NKAIN2: variants seen among roughly 807,000 people sequenced by gnomAD.
NKAIN2 encodes the protein sodium/potassium-transporting ATPase subunit beta-1-interacting protein 2.
A neutral mutation model predicts 32.6 loss-of-function variants in NKAIN2; 14 were observed. The observed-to-expected ratio is 0.43, with a 90% CI of 0.28 to 0.67. The LOEUF (loss-of-function observed/expected upper bound fraction) is 0.67, where lower values mean the gene tolerates loss of function less well. Ranked by LOEUF, NKAIN2 falls within the 30% of genes least tolerant of loss-of-function variation. The pLI is 0.17. For missense variants in NKAIN2, 198 were observed against 258.3 expected (o/e 0.77, Z 1.60); for synonymous variants, 80 against 87.2 (o/e 0.92, Z 0.46).
intron 1 of NKAIN2, among the ~76,000 whole-genome samples, chr6:124,166,770 A>G (rs1205872026): frequency 8.7e-4 from 131 of 150,750 alleles, no homozygotes; most frequent in African/African-American, 3.1e-3. Context: ...TTTATTAAAT[A>G]GGGAATCCTT....
At chr6:124,575,333 G>T (rs1381153853) in intron 3 of NKAIN2, among the ~76,000 whole-genome samples, 1 of 152,082 alleles carries the variant, frequency 6.6e-6, no homozygotes, top group East Asian at 1.9e-4. Context: ...TCATACTTTG[G>T]ATAAAATAAT....
At chr6:124,072,418 T>C (rs1209516607) in intron 1 of NKAIN2, among the ~76,000 whole-genome samples, 1 of 152,094 alleles carries the variant, frequency 6.6e-6, no homozygotes, top group African/African-American at 2.4e-5. Context: ...TCACACAACA[T>C]ACCTGTGTAA....
intron 1 of NKAIN2, among the ~76,000 whole-genome samples, chr6:123,851,578 A>G (rs1376865108): frequency 6.6e-6 from 1 of 152,018 alleles, no homozygotes; most frequent in East Asian, 1.9e-4. Flanking sequence ...GAGCTTTGAT[A>G]CTGTTTTCCA....
Position 123,842,238 on chromosome 6 carries a change from A to AAAC in NKAIN2, c.54+37986_54+37988dup, listed in dbSNP as rs534055623. Among the ~76,000 whole-genome samples the AAAC allele has an allele frequency of 8.8e-4, 134 of 152,316 alleles. 1 individual carries two copies. Among genetic ancestry groups the AAAC allele is most frequent in the African/African-American group, 3.2e-3 (133 of 41,566 alleles). ...CAAAATACCACACACTGGGTGGCTT[A>AAAC]AACAGCAGATATGTATTTCTCACAA... On this transcript the variant is annotated intron_variant, in intron 1 of 6. Coordinates refer to ENST00000368417, the MANE Select transcript of NKAIN2 (RefSeq NM_001040214.3).
intron 1 of NKAIN2, among the ~76,000 whole-genome samples, chr6:123,907,211 G>A (rs1774923471): frequency 6.6e-6 from 1 of 152,024 alleles, no homozygotes; most frequent in Non-Finnish European, 1.5e-5. Flanking sequence ...GGAAAAAAAC[G>A]CTAATTATTT....
Position 124,461,538 on chromosome 6 carries a change from T to C in NKAIN2, c.273+106191T>C, listed in dbSNP as rs1240528561. Among the ~76,000 whole-genome samples, 4 of 151,810 alleles carry C rather than the reference T, an allele frequency of 2.6e-5. 1 individual carries two copies. Among genetic ancestry groups the C allele is most frequent in the African/African-American group, 9.7e-5 (4 of 41,416 alleles). Reference sequence around the variant, plus strand: ...TTTACTCCCTATCTTTGCCTCTCCGTTCAATATATTTTTTAAAAGTTTCCT... The same window carrying C: ...TTTACTCCCTATCTTTGCCTCTCCGCTCAATATATTTTTTAAAAGTTTCCT... On this transcript the variant is annotated intron_variant, in intron 3 of 6. Coordinates refer to ENST00000368417, the MANE Select transcript of NKAIN2 (RefSeq NM_001040214.3).
intron 1 of NKAIN2, among the ~76,000 whole-genome samples, chr6:124,062,072 T>G (rs1031752368): frequency 6.6e-6 from 1 of 152,192 alleles, no homozygotes; most frequent in Non-Finnish European, 1.5e-5. Flanking sequence ...ACCGTTTCTT[T>G]CAATCTGTTG....
chr6:124,214,676 G>A (rs188443774), intron 1 of NKAIN2, among the ~76,000 whole-genome samples: 2 of 152,060 alleles, frequency 1.3e-5, no homozygotes. Context: ...ATTCCATCCT[G>A]GGCAAGAATG....
intron 3 of NKAIN2, among the ~76,000 whole-genome samples, chr6:124,500,596 G>A (rs945513187): frequency 4.7e-4 from 72 of 152,164 alleles, no homozygotes; most frequent in African/African-American, 1.7e-3. Flanking sequence ...AGAGTTTGAT[G>A]TGAGCTGAGA....
At chr6:124,536,676 C>T (rs1779726947) in intron 3 of NKAIN2, among the ~76,000 whole-genome samples, 1 of 152,144 alleles carries the variant, frequency 6.6e-6, no homozygotes, top group South Asian at 2.1e-4. Context: ...GGGCTAGAGG[C>T]TGCTAGGCTT....
chr6:124,526,024 T>C (rs1562238189), intron 3 of NKAIN2, among the ~76,000 whole-genome samples: 1 of 152,104 alleles, frequency 6.6e-6, no homozygotes, highest in East Asian at 1.9e-4. Context: ...ATGAGATGGA[T>C]CAGGCTTACC....
At chr6:124,530,121 T>G (rs1779466899) in intron 3 of NKAIN2, among the ~76,000 whole-genome samples, 1 of 152,190 alleles carries the variant, frequency 6.6e-6, no homozygotes, top group South Asian at 2.1e-4. Context: ...GCAGGGGCCC[T>G]GCACTGTCAA....
intron 3 of NKAIN2, among the ~76,000 whole-genome samples, chr6:124,521,110 T>G (rs1779101617): frequency 6.6e-6 from 1 of 152,122 alleles, no homozygotes; most frequent in Non-Finnish European, 1.5e-5. Flanking sequence ...CTTTTCCAAT[T>G]TGTATGCTTT....
At chr6:124,684,259 G>T (rs1773758382) in intron 4 of NKAIN2, among the ~76,000 whole-genome samples, 1 of 152,106 alleles carries the variant, frequency 6.6e-6, no homozygotes, top group Admixed American at 6.6e-5. Context: ...AGACATAACA[G>T]CAGTTAACAG....
intron 3 of NKAIN2, among the ~76,000 whole-genome samples, chr6:124,440,527 G>A (rs117401406): frequency 2.6e-3 from 402 of 152,064 alleles, no homozygotes; most frequent in Middle Eastern, 0.02. Context: ...CCTTTCTAGG[G>A]CCATGCCTGC....
At position 124,699,459 on chromosome 6, in the gene NKAIN2, C is replaced by T. The variant is rs539357548; in HGVS notation, c.474+41073C>T. On this transcript the variant is annotated intron_variant, in intron 4 of 6. Transcript: ENST00000368417. ...GATCTCTGTCCCTGACCAAATCTCA[C>T]GTCAAATTGTAATCCCCAGTGTTGG... Among the ~76,000 whole-genome samples, 4 of 152,268 alleles carry T rather than the reference C, an allele frequency of 2.6e-5. No homozygotes were observed. The South Asian group carries it at 6.2e-4, about 24-fold the overall frequency.
intron 1 of NKAIN2, among the ~76,000 whole-genome samples, chr6:124,107,150 G>A (rs1562361800): frequency 6.6e-6 from 1 of 152,112 alleles, no homozygotes; most frequent in Non-Finnish European, 1.5e-5. Context: ...AAGGCCTGAG[G>A]CAAGAAACAT....
At chr6:124,810,156 T>A (rs1224732820) in intron 5 of NKAIN2, among the ~76,000 whole-genome samples, 2 of 152,082 alleles carry the variant, frequency 1.3e-5, no homozygotes, top group Non-Finnish European at 2.9e-5. Flanking sequence ...GGACTATAAA[T>A]CATGCTGCTA....
At chr6:124,393,672 A>G (rs1387314733) in intron 3 of NKAIN2, among the ~76,000 whole-genome samples, 4 of 151,912 alleles carry the variant, frequency 2.6e-5, no homozygotes, top group Non-Finnish European at 4.4e-5. Flanking sequence ...TCAAAACCTC[A>G]CCCCCTGACT....
Sources: allele counts gnomAD v4.1 joint callset (sites outside exome capture counted in the v4.1 genomes callset), GRCh38; gene constraint gnomAD v4.1.1; transcripts MANE v1.5; gene names NCBI Gene and HGNC (gene_info 2026-07-23, HGNC 2026-07-21).